GLI3: variants seen among roughly 807,000 people sequenced by gnomAD.
The protein encoded by GLI3 is transcription activator GLI3.
Under a neutral mutation model 100.8 loss-of-function variants are expected in GLI3, and 20 were observed. That is an observed-to-expected ratio of 0.20 (90% CI 0.14 to 0.29). The LOEUF is 0.29. GLI3 is among the 10% of genes least tolerant of loss of function. The probability of loss-of-function intolerance (pLI) is 1.00; values close to 1 mark genes in which losing one functional copy is unlikely to be tolerated. For missense variants in GLI3, 2,040 were observed against 2,128.5 expected (o/e 0.96, Z 0.82); for synonymous variants, 938 against 860.5 (o/e 1.09, Z -1.58).
In GLI3 at chr7:41,964,476, G is replaced by T. The variant is rs1787103191; in HGVS notation, c.4597C>A (p.His1533Asn). 5 of 1,614,172 alleles carry T rather than the reference G, an allele frequency of 3.1e-6. No individual in the cohort carries two copies. Among genetic ancestry groups the T allele is most frequent in the Non-Finnish European group, 4.2e-6 (5 of 1,179,998 alleles). The change falls in exon 15 of 15, where the codon CAT (histidine) becomes AAT (asparagine). Residue 1533 changes from histidine (H) to asparagine (N), a missense_variant. His to Asn is a moderately conservative substitution (Grantham distance 68). Transcript: ENST00000395925. ...GGCGTGGTGAGGCGGGAGGAGCTAT[G>T]GGAAAGGTTCTGAATGATACTTGGG... The part of the protein sequence containing the change: ...LSPSIIQNLS[H>N]SSSRLTTPRA...
intron 3 of GLI3, among the ~76,000 whole-genome samples, chr7:42,088,715 T>A (rs1785155250): frequency 6.6e-6 from 1 of 152,194 alleles, no homozygotes; most frequent in Non-Finnish European, 1.5e-5. Context: ...GCGTTCTGTT[T>A]TAGGACTGGG....
chr7:41,967,609 A>G lies in GLI3; in HGVS notation c.2418T>C (p.Pro806=). 2.5e-6 allele frequency: 4 copies of G among 1,612,474 alleles called. 1 individual carries two copies. In the Middle Eastern group the frequency reaches 6.9e-4, roughly 280 times the overall value. The change falls in exon 14 of 15, where the codon CCT becomes CCC. Residue 806 remains proline (P), a synonymous_variant. Coordinates refer to ENST00000395925, the MANE Select transcript of GLI3 (RefSeq NM_000168.6). ...TGTAGAACTCACCATTTCCTATGAGAGGAGAGACCGCAGGGGCTTTAGGGG... is the reference window on the plus strand; with the variant it reads ...TGTAGAACTCACCATTTCCTATGAGGGGAGAGACCGCAGGGGCTTTAGGGG... The part of the protein sequence containing the change: ...ILPPKAPAVS[P]LIGNGTQSNN...
At chr7:42,254,569 G>C (rs1789066793) in intron 1 of GLI3, among the ~76,000 whole-genome samples, 1 of 152,196 alleles carries the variant, frequency 6.6e-6, no homozygotes, top group African/African-American at 2.4e-5. Context: ...TACATAGCCT[G>C]AAATGTTTGT....
chr7:42,053,583 G>A (rs1784395236), intron 4 of GLI3, among the ~76,000 whole-genome samples: 1 of 152,162 alleles, frequency 6.6e-6, no homozygotes, highest in South Asian at 2.1e-4. Context: ...AGTAGTGCCA[G>A]GAAAAAAACT....
At position 41,964,645 on chromosome 7, in the gene GLI3, G is replaced by T. The variant is rs773617369; in HGVS notation, c.4428C>A (p.Asn1476Lys). 1.2e-6 allele frequency: 2 copies of T among 1,614,112 alleles called. No individual in the cohort carries two copies. Among genetic ancestry groups the T allele is most frequent in the South Asian group, 2.2e-5 (2 of 91,084 alleles). ...SCLLQGTSAKNSELLSPGANQ... is the reference protein window; with the variant it reads ...SCLLQGTSAKKSELLSPGANQ... Reference sequence around the variant, plus strand: ...TAGCACCTGGGGAAAGTAACTCAGAGTTTTTGGCGCTGGTCCCCTGTAGCA... The same window carrying T: ...TAGCACCTGGGGAAAGTAACTCAGATTTTTTGGCGCTGGTCCCCTGTAGCA... The change falls in exon 15 of 15, where the codon AAC (asparagine) becomes AAA (lysine). Residue 1476 changes from asparagine to lysine, a missense_variant. Physicochemically the swap from Asn to Lys is moderately conservative, Grantham distance 94 (BLOSUM62 0). Around this residue, in one of 5 missense-constraint regions of GLI3, gnomAD observed 1,041 missense variants for 924.0 expected, o/e 1.13. Coordinates refer to ENST00000395925, the MANE Select transcript of GLI3 (RefSeq NM_000168.6).
At chr7:42,207,701 C>T (rs756949320) in intron 2 of GLI3, among the ~76,000 whole-genome samples, 1 of 152,170 alleles carries the variant, frequency 6.6e-6, no homozygotes, top group Admixed American at 6.5e-5. Flanking sequence ...TGGTTCATGA[C>T]ACAGAAAATG....
At chr7:42,144,841 C>G (rs568948550) in intron 3 of GLI3, among the ~76,000 whole-genome samples, 12 of 152,162 alleles carry the variant, frequency 7.9e-5, no homozygotes, top group African/African-American at 2.4e-4. Flanking sequence ...TTCACATGGC[C>G]AGCCCACTGG....
intron 3 of GLI3, among the ~76,000 whole-genome samples, chr7:42,114,135 G>T (rs1785787248): frequency 6.6e-6 from 1 of 152,188 alleles, no homozygotes; most frequent in African/African-American, 2.4e-5. Context: ...TCTAGATTGT[G>T]GATCTTCAGA....
chr7:42,242,703 T>C (rs1268412589), upstream of GLI3, among the ~76,000 whole-genome samples: 1 of 152,174 alleles, frequency 6.6e-6, no homozygotes, highest in Non-Finnish European at 1.5e-5. Context: ...CCATCTTCCT[T>C]AGAAGATGGT....
At chr7:42,233,843 A>G (rs1031189802) in intron 1 of GLI3, among the ~76,000 whole-genome samples, 9 of 152,182 alleles carry the variant, frequency 5.9e-5, no homozygotes, top group African/African-American at 2.2e-4. Flanking sequence ...AGACAACCTG[A>G]AGTCATTATT....
intron 2 of GLI3, among the ~76,000 whole-genome samples, chr7:42,157,623 A>T (rs1440051629): frequency 3.3e-5 from 5 of 152,244 alleles, no homozygotes; most frequent in Admixed American, 3.3e-4. Context: ...ATGTCAAGGA[A>T]ATGCACCAAT....
upstream of GLI3, among the ~76,000 whole-genome samples, chr7:42,242,304 C>T (rs1788933355): frequency 3.9e-5 from 6 of 152,338 alleles, no homozygotes; most frequent in South Asian, 1.2e-3. Flanking sequence ...CTACCACTCC[C>T]TACAGCCTTA....
chr7:42,008,933 C>G (rs747181662), intron 10 of GLI3, among the ~76,000 whole-genome samples: 32 of 152,186 alleles, frequency 2.1e-4, no homozygotes, highest in Non-Finnish European at 3.7e-4. Flanking sequence ...GATTCAGTCA[C>G]TAACTGGATA....
intron 3 of GLI3, 137 bp from the exon 4 acceptor site, chr7:42,076,994 GGTTA>G (rs1368930823): frequency 1.4e-6 from 1 of 708,118 alleles, no homozygotes; most frequent in Non-Finnish European, 2.6e-6. Flanking sequence ...AACTCTTTAA[GGTTA>G]GTTATGAAGC....
intron 3 of GLI3, among the ~76,000 whole-genome samples, chr7:42,099,513 A>T (rs919699704): frequency 2.0e-5 from 3 of 152,116 alleles, no homozygotes; most frequent in Non-Finnish European, 2.9e-5. Context: ...AACATATTAT[A>T]TTTATTTAAT....
intron 3 of GLI3, among the ~76,000 whole-genome samples, chr7:42,094,181 G>A (rs1185971817): frequency 1.3e-5 from 2 of 152,150 alleles, no homozygotes; most frequent in African/African-American, 2.4e-5. Context: ...GCTGTTCTTA[G>A]CTCTTCAACG....
chr7:42,238,197 T>C (rs943075356), upstream of GLI3, among the ~76,000 whole-genome samples: 30 of 151,750 alleles, frequency 2.0e-4, no homozygotes, highest in South Asian at 1.2e-3. Flanking sequence ...CTCTCTCTTC[T>C]CTCTCCACAC....
At chr7:42,139,073 G>A (rs1786498004) in intron 3 of GLI3, among the ~76,000 whole-genome samples, 1 of 152,134 alleles carries the variant, frequency 6.6e-6, no homozygotes. Flanking sequence ...GGTTATTTCT[G>A]GGCCCTATCT....
intron 1 of GLI3, among the ~76,000 whole-genome samples, chr7:42,244,130 A>G (rs567166295): frequency 1.3e-5 from 2 of 152,300 alleles, no homozygotes; most frequent in South Asian, 4.1e-4. Flanking sequence ...CACTGCACCC[A>G]GCAGATTTTG....
Sources: gnomAD v4.1 joint callset for allele counts (sites outside exome capture counted in the v4.1 genomes callset) on GRCh38, gnomAD v4.1.1 for gene constraint, gnomAD v4.1.1 regional missense constraint, MANE v1.5 for transcripts, NCBI Gene and HGNC (gene_info 2026-07-23, HGNC 2026-07-21) for gene names.